ADAM29: variants seen among roughly 807,000 people sequenced by gnomAD.
The protein encoded by ADAM29 is disintegrin and metalloproteinase domain-containing protein 29.
For missense variants in ADAM29, 969 were observed against 1,001.8 expected (o/e 0.97, Z 0.44); for synonymous variants, 367 against 342.3 (o/e 1.07, Z -0.80).
intron 4 of ADAM29, among the ~76,000 whole-genome samples, chr4:174,940,730 T>A (rs1482052801): frequency 6.6e-6 from 1 of 152,198 alleles, no homozygotes; most frequent in Non-Finnish European, 1.5e-5. Context: ...TTATAAGACC[T>A]ATTTAAGTAA....
intron 4 of ADAM29, among the ~76,000 whole-genome samples, chr4:174,959,756 C>T: frequency 6.6e-6 from 1 of 151,508 alleles, no homozygotes; most frequent in East Asian, 1.9e-4. Flanking sequence ...TTATTATTTT[C>T]TTAATAGTGT....
intron 1 of ADAM29, among the ~76,000 whole-genome samples, chr4:174,919,869 C>T (rs1286050232): frequency 6.6e-6 from 1 of 152,124 alleles, no homozygotes; most frequent in African/African-American, 2.4e-5. Flanking sequence ...TACTTATATT[C>T]AAGGGAGAGG....
intron 2 of ADAM29, among the ~76,000 whole-genome samples, chr4:174,921,477 G>A (rs1312149309): frequency 2.0e-5 from 3 of 152,184 alleles, no homozygotes; most frequent in Non-Finnish European, 4.4e-5. Flanking sequence ...ACCCATATGG[G>A]CATTTTGGCC....
chr4:174,936,859 T>C (rs979136285), intron 3 of ADAM29, 74 bp from the exon 4 acceptor site: 8 of 151,956 alleles, frequency 5.3e-5, no homozygotes, highest in African/African-American at 1.9e-4. Flanking sequence ...AGAGCATTTT[T>C]ATGCCAATAT....
intron 4 of ADAM29, among the ~76,000 whole-genome samples, chr4:174,948,948 C>A (rs1000970100): frequency 6.6e-6 from 1 of 152,032 alleles, no homozygotes; most frequent in Non-Finnish European, 1.5e-5. Context: ...GTAAGGGGGC[C>A]GTGAGTGAGT....
At chr4:174,935,689 C>T (rs1744164373) in intron 3 of ADAM29, among the ~76,000 whole-genome samples, 1 of 151,940 alleles carries the variant, frequency 6.6e-6, no homozygotes, top group Non-Finnish European at 1.5e-5. Context: ...TGCTGCAGTC[C>T]TACCATTTAC....
Position 174,976,684 on chromosome 4 carries a change from G to C in ADAM29, c.1159G>C (p.Glu387Gln), listed in dbSNP as rs376374822. Residue 387 changes from glutamate to glutamine, a missense_variant, in exon 5 of 5, where the codon GAA becomes CAA. By Grantham distance (29) the Glu-to-Gln change is conservative. Coordinates refer to ENST00000359240, the MANE Select transcript of ADAM29 (RefSeq NM_014269.4). ...TGTAGAGAGGACAAAGTGTTTGCTTGAAACAGTACACACAAAGGACATCTT... is the reference window on the plus strand; with the variant it reads ...TGTAGAGAGGACAAAGTGTTTGCTTCAAACAGTACACACAAAGGACATCTT... ...YTVERTKCLL[E>Q]TVHTKDIFNV... 5.0e-6 allele frequency: 8 copies of C among 1,613,928 alleles called. No individual in the cohort carries two copies. In the African/African-American group the frequency reaches 1.1e-4, roughly 22 times the overall value.
chr4:174,959,915 G>T (rs530275129), intron 4 of ADAM29, among the ~76,000 whole-genome samples: 1 of 151,968 alleles, frequency 6.6e-6, no homozygotes, highest in African/African-American at 2.4e-5. Context: ...TTTCTTATGA[G>T]ATTTTATAGA....
chr4:174,960,723 T>C (rs1338638089), intron 4 of ADAM29, among the ~76,000 whole-genome samples: 2 of 152,198 alleles, frequency 1.3e-5, no homozygotes, highest in Non-Finnish European at 2.9e-5. Flanking sequence ...TTATTAAGTG[T>C]AAACATATTT....
At chr4:174,942,189 C>G (rs187990233) in intron 4 of ADAM29, among the ~76,000 whole-genome samples, 1 of 152,278 alleles carries the variant, frequency 6.6e-6, no homozygotes, top group Non-Finnish European at 1.5e-5. Flanking sequence ...AGTGCTGCAG[C>G]TTTTCCAAGC....
At chr4:174,967,920 C>T (rs1207668455) in intron 4 of ADAM29, among the ~76,000 whole-genome samples, 1 of 152,192 alleles carries the variant, frequency 6.6e-6, no homozygotes, top group African/African-American at 2.4e-5. Context: ...ATGGCCTTTT[C>T]TTCTGATTTA....
At chr4:174,926,600 T>C (rs9312576) in intron 2 of ADAM29, among the ~76,000 whole-genome samples, 136,613 of 151,768 alleles carry the variant, frequency 0.9, 61,567 homozygotes, top group East Asian at 0.96. Flanking sequence ...TCCATCTTAA[T>C]AAATACATTA....
At chr4:174,946,625 T>C (rs1744864768) in intron 4 of ADAM29, among the ~76,000 whole-genome samples, 1 of 152,062 alleles carries the variant, frequency 6.6e-6, no homozygotes, top group Non-Finnish European at 1.5e-5. Context: ...TGATATTGGC[T>C]ATGGGATTTT....
At position 174,977,504 on chromosome 4, in the gene ADAM29, G is replaced by A. The variant is rs769393700; in HGVS notation, c.1979G>A (p.Gly660Asp). ...AACTGCCTGATAAAAGGCTATGGAG[G>A]TAGTGTTGACAGTGGCCCACCCCCT... is the stretch of plus-strand genomic sequence containing the variant. Reference protein sequence around the residue: ...PPNCLIKGYGGSVDSGPPPKR... With the variant: ...PPNCLIKGYGDSVDSGPPPKR... The change falls in exon 5 of 5, where the codon GGT (glycine) becomes GAT (aspartate). Residue 660 changes from glycine to aspartate, a missense_variant. Gly to Asp is a moderately conservative substitution (Grantham distance 94). Coordinates refer to ENST00000359240, the MANE Select transcript of ADAM29 (RefSeq NM_014269.4). 3 of 1,614,096 alleles carry A rather than the reference G, an allele frequency of 1.9e-6. No homozygotes were observed. The African/African-American group carries it at 4.0e-5, about 22-fold the overall frequency.
intron 2 of ADAM29, among the ~76,000 whole-genome samples, chr4:174,928,567 C>CT (rs201492809): frequency 5.0e-4 from 3 of 5,972 alleles, no homozygotes; most frequent in Admixed American, 1.8e-3. Context: ...CTGTCATGTG[C>CT]TTAAAAAAAA....
intron 4 of ADAM29, among the ~76,000 whole-genome samples, chr4:174,956,522 GA>G (rs56132195): frequency 1.8e-3 from 95 of 52,038 alleles, no homozygotes; most frequent in South Asian, 5.8e-3. Flanking sequence ...GAGAGAGAGA[GA>G]AAAAAAAGAG....
intron 4 of ADAM29, among the ~76,000 whole-genome samples, chr4:174,950,724 C>G (rs1053453468): frequency 2.6e-5 from 4 of 152,134 alleles, no homozygotes; most frequent in Admixed American, 2.6e-4. Flanking sequence ...ATCTCTGTTC[C>G]CACCCAAATC....
chr4:174,976,285 A>C lies in ADAM29; in HGVS notation c.760A>C (p.Lys254Gln). Residue 254 changes from lysine to glutamine, a missense_variant, in exon 5 of 5, where the codon AAA becomes CAA. Coordinates refer to ENST00000359240, the MANE Select transcript of ADAM29 (RefSeq NM_014269.4). ...ATTTGGTTTGGAGATCTGGACCAAT[A>C]AAAACCTCATTGTAGTAGATGATGT... Reference protein sequence around the residue: ...LLFGLEIWTNKNLIVVDDVRK... With the variant: ...LLFGLEIWTNQNLIVVDDVRK... The C allele has an allele frequency of 6.2e-7, 1 of 1,611,728 alleles. No homozygotes were observed. The highest frequency in any genetic ancestry group is 8.5e-7 in the Non-Finnish European group (1 of 1,179,300).
chr4:174,977,089 A>G lies in ADAM29; in HGVS notation c.1564A>G (p.Lys522Glu), dbSNP rs778884942. The G allele has an allele frequency of 3.7e-6, 6 of 1,614,074 alleles. No homozygotes were observed. Among genetic ancestry groups the G allele is most frequent in the South Asian group, 3.3e-5 (3 of 91,070 alleles). ...AAATACTGCAAGTGAGACTTGCTAC[A>G]AAGAATTGAACACCTTAGGTGACCG... ...GANTASETCY[K>E]ELNTLGDRVG... The change falls in exon 5 of 5, where the codon AAA (lysine) becomes GAA (glutamate). Residue 522 changes from lysine (K) to glutamate (E), a missense_variant. By Grantham distance (56) the Lys-to-Glu change is moderately conservative (BLOSUM62 1). Transcript: ENST00000359240.
Sources: allele counts gnomAD v4.1 joint callset (sites outside exome capture counted in the v4.1 genomes callset), GRCh38; gene constraint gnomAD v4.1.1; transcripts MANE v1.5; gene names NCBI Gene and HGNC (gene_info 2026-07-23, HGNC 2026-07-21).